Variants in TANC2 observed in about 807,000 individuals in gnomAD.
TANC2 encodes tetratricopeptide repeat, ankyrin repeat and coiled-coil containing 2.
A neutral mutation model predicts 210.5 loss-of-function variants in TANC2; 26 were observed. The ratio of observed to expected loss-of-function variants is 0.12; its 90% CI spans 0.09 to 0.17. TANC2 has a LOEUF of 0.17. TANC2 is among the 10% of genes least tolerant of loss of function. The pLI is 1.00. For missense variants in TANC2, 2,129 were observed against 2,608.9 expected, an observed-to-expected ratio of 0.82 and a Z score of 4.01; for synonymous variants, 931 against 967.1, an observed-to-expected ratio of 0.96 and a Z score of 0.69.
chr17:63,200,096 C>G (rs1210940587), intron 6 of TANC2, among the ~76,000 whole-genome samples: 2 of 151,890 alleles, frequency 1.3e-5, no homozygotes, highest in Non-Finnish European at 2.9e-5. Flanking sequence ...TGGCTCATGC[C>G]TGTAATCCCA....
intron 3 of TANC2, among the ~76,000 whole-genome samples, chr17:63,087,151 A>G (rs1241171285): frequency 6.6e-6 from 1 of 152,214 alleles, no homozygotes; most frequent in African/African-American, 2.4e-5. Flanking sequence ...GGAAGGAACC[A>G]AATCCGGACA....
intron 5 of TANC2, among the ~76,000 whole-genome samples, chr17:63,155,844 TC>T (rs1157828667): frequency 1.3e-5 from 2 of 152,190 alleles, no homozygotes; most frequent in Non-Finnish European, 2.9e-5. Context: ...AAAATTTTTT[TC>T]ATTTGGATTT....
chr17:63,268,976 C>T (rs1428680647), intron 9 of TANC2, among the ~76,000 whole-genome samples: 5 of 152,100 alleles, frequency 3.3e-5, no homozygotes, highest in Admixed American at 2.6e-4. Flanking sequence ...TTTTATCTTA[C>T]GGATGATTTT....
intron 12 of TANC2, among the ~76,000 whole-genome samples, chr17:63,344,592 C>T (rs1442571532): frequency 6.6e-6 from 1 of 152,134 alleles, no homozygotes; most frequent in East Asian, 1.9e-4. Context: ...TTTACCTTAG[C>T]AAACTCTAAG....
chr17:63,425,515 T>G (rs1415654308), exon 28 of TANC2: 2 of 152,254 alleles, frequency 1.3e-5, no homozygotes, highest in Admixed American at 6.5e-5. Flanking sequence ...TTCCTTAGAT[T>G]TTAGTCACGT....
chr17:63,032,480 TG>T (rs1598286715), intron 2 of TANC2, among the ~76,000 whole-genome samples: 1 of 152,044 alleles, frequency 6.6e-6, no homozygotes, highest in East Asian at 1.9e-4. Context: ...CAAAATGACA[TG>T]CCATCTGTAG....
At chr17:62,976,185 A>G (rs2143328166) in intron 1 of TANC2, among the ~76,000 whole-genome samples, 1 of 152,314 alleles carries the variant, frequency 6.6e-6, no homozygotes, top group South Asian at 2.1e-4. Flanking sequence ...AACACTACTA[A>G]CTTGACAAAA....
chr17:63,332,083 C>A (rs1365079735), intron 11 of TANC2: 5 of 336,224 alleles, frequency 1.5e-5, no homozygotes, highest in Non-Finnish European at 2.3e-5. Context: ...TGAATAATTT[C>A]ATCCTCCCCT....
intron 3 of TANC2, among the ~76,000 whole-genome samples, chr17:63,087,222 T>G (rs2037004445): frequency 6.6e-6 from 1 of 152,200 alleles, no homozygotes; most frequent in Non-Finnish European, 1.5e-5. Context: ...TCTTTCGCCT[T>G]TTAATGTGTC....
chr17:63,192,482 G>A (rs891773251), intron 5 of TANC2, among the ~76,000 whole-genome samples: 11 of 152,160 alleles, frequency 7.2e-5, no homozygotes, highest in African/African-American at 2.7e-4. Context: ...AACATGCTAT[G>A]AGCAATATGC....
At chr17:63,348,044 A>C (rs773088798) in intron 12 of TANC2, among the ~76,000 whole-genome samples, 4 of 152,200 alleles carry the variant, frequency 2.6e-5, no homozygotes, top group Non-Finnish European at 5.9e-5. Context: ...TTGGGATTAC[A>C]GATGTGAGCC....
intron 2 of TANC2, among the ~76,000 whole-genome samples, chr17:63,052,910 G>A (rs901651086): frequency 6.6e-6 from 1 of 152,110 alleles, no homozygotes; most frequent in Non-Finnish European, 1.5e-5. Flanking sequence ...ACAAAATATT[G>A]TTTTAGTTAT....
chr17:63,165,059 A>C (rs1276251918), intron 5 of TANC2, among the ~76,000 whole-genome samples: 2 of 152,192 alleles, frequency 1.3e-5, no homozygotes, highest in East Asian at 3.9e-4. Context: ...AGGTGGGAGA[A>C]TCGCTTAAGG....
chr17:63,139,591 A>T (rs564580123), intron 4 of TANC2, among the ~76,000 whole-genome samples: 76 of 152,248 alleles, frequency 5.0e-4, no homozygotes, highest in African/African-American at 1.8e-3. Flanking sequence ...GGGCAACAAG[A>T]GCGAGACTGT....
chr17:63,091,470 C>T (rs538013142), intron 3 of TANC2, among the ~76,000 whole-genome samples: 2 of 152,266 alleles, frequency 1.3e-5, no homozygotes, highest in East Asian at 3.9e-4. Flanking sequence ...AATAGGGAAT[C>T]CTTCCCCCAT....
At chr17:63,050,359 G>GAAAA (rs755089558) in intron 2 of TANC2, among the ~76,000 whole-genome samples, 7 of 84,816 alleles carry the variant, frequency 8.3e-5, no homozygotes, top group Non-Finnish European at 7.8e-5. Flanking sequence ...CCTGTTTCAA[G>GAAAA]AAAAAAAAAA....
chr17:63,278,994 AGAT>A (rs937409951), intron 9 of TANC2, among the ~76,000 whole-genome samples: 4 of 152,156 alleles, frequency 2.6e-5, no homozygotes, highest in Admixed American at 2.6e-4. Context: ...CAATCATGAA[AGAT>A]GAAAAAGTTC....
intron 8 of TANC2, among the ~76,000 whole-genome samples, chr17:63,262,998 C>T (rs1353055412): frequency 6.6e-6 from 1 of 152,000 alleles, no homozygotes; most frequent in East Asian, 1.9e-4. Flanking sequence ...AGTTTAAGTT[C>T]CCTAAACTAG....
intron 7 of TANC2, among the ~76,000 whole-genome samples, chr17:63,216,387 C>T (rs988424859): frequency 6.6e-6 from 1 of 152,094 alleles, no homozygotes; most frequent in Non-Finnish European, 1.5e-5. Flanking sequence ...TGCCCCTCTT[C>T]CATTTGGTTA....
Sources: allele counts gnomAD v4.1 joint callset (sites outside exome capture counted in the v4.1 genomes callset), GRCh38; gene constraint gnomAD v4.1.1; transcripts MANE v1.5; gene names NCBI Gene and HGNC (gene_info 2026-07-23, HGNC 2026-07-21).